The following LRMDA variants were observed in gnomAD, a reference collection of about 807,000 sequenced individuals.
LRMDA encodes leucine-rich melanocyte differentiation-associated protein.
LRMDA carries 18 observed loss-of-function variants against 29.8 expected under a neutral mutation model. The observed-to-expected ratio is 0.60, with a 90% CI of 0.42 to 0.90. The LOEUF is 0.90. LRMDA is among the 40% of genes least tolerant of loss of function. The probability of loss-of-function intolerance (pLI) is 0.00; values close to 1 mark genes in which losing one functional copy is unlikely to be tolerated. For missense variants in LRMDA, 273 were observed against 273.9 expected, an observed-to-expected ratio of 1.00 and a Z score of 0.02; for synonymous variants, 125 against 109.4, an observed-to-expected ratio of 1.14 and a Z score of -0.89.
chr10:75,694,293 G>A (rs1037518456), intron 2 of LRMDA, among the ~76,000 whole-genome samples: 1 of 152,150 alleles, frequency 6.6e-6, no homozygotes. Flanking sequence ...AGTTGGAGCC[G>A]AGGGGAAATA....
chr10:76,047,852 C>T (rs947641269), intron 4 of LRMDA, among the ~76,000 whole-genome samples: 1 of 152,228 alleles, frequency 6.6e-6, no homozygotes, highest in African/African-American at 2.4e-5. Context: ...CCATACCTCT[C>T]CACCATAGAG....
At chr10:76,194,646 G>C (rs940654896) in intron 5 of LRMDA, among the ~76,000 whole-genome samples, 1 of 152,200 alleles carries the variant, frequency 6.6e-6, no homozygotes, top group African/African-American at 2.4e-5. Context: ...GTTAGGCTTT[G>C]TTCTCTCCAG....
At chr10:75,688,977 A>G (rs1234740708) in intron 2 of LRMDA, among the ~76,000 whole-genome samples, 1 of 152,202 alleles carries the variant, frequency 6.6e-6, no homozygotes, top group African/African-American at 2.4e-5. Context: ...AGACTACAGT[A>G]TAATAACTTT....
intron 5 of LRMDA, among the ~76,000 whole-genome samples, chr10:76,139,819 T>C (rs938260832): frequency 1.3e-5 from 2 of 152,106 alleles, no homozygotes; most frequent in Admixed American, 6.6e-5. Flanking sequence ...CTGACAGTTA[T>C]TGAGATTAAA....
chr10:76,509,751 G>T (rs543055199), intron 6 of LRMDA, among the ~76,000 whole-genome samples: 20 of 152,188 alleles, frequency 1.3e-4, no homozygotes, highest in Non-Finnish European at 2.6e-4. Flanking sequence ...TGTTGGGATG[G>T]TTCCCTTTCA....
chr10:76,027,278 G>A (rs1372045383), intron 2 of LRMDA, among the ~76,000 whole-genome samples: 1 of 152,096 alleles, frequency 6.6e-6, no homozygotes, highest in African/African-American at 2.4e-5. Context: ...GTGGTCACTG[G>A]CGATTCATAC....
chr10:76,016,630 G>A (rs1167492711), intron 2 of LRMDA, among the ~76,000 whole-genome samples: 1 of 152,134 alleles, frequency 6.6e-6, no homozygotes, highest in Non-Finnish European at 1.5e-5. Flanking sequence ...TATGCCAGGC[G>A]TTATTCACTT....
In LRMDA at chr10:75,877,438, C is replaced by G. The variant is rs114936292; in HGVS notation, c.132-158570C>G. Reference sequence around the variant, plus strand: ...TACAGTTACCCTTTTAGTTAAGGCTCTGTCTCCAGGTTGTTTCTTAGATTG... The same window carrying G: ...TACAGTTACCCTTTTAGTTAAGGCTGTGTCTCCAGGTTGTTTCTTAGATTG... On this transcript the variant is annotated intron_variant, in intron 2 of 6. Transcript: ENST00000611255. Among the ~76,000 whole-genome samples the G allele has an allele frequency of 4.0e-3, 616 of 152,338 alleles. 4 individuals are homozygous for G. The highest frequency in any genetic ancestry group is 0.014 in the African/African-American group (597 of 41,576).
chr10:76,176,171 A>G (rs1291765419), intron 5 of LRMDA, among the ~76,000 whole-genome samples: 1 of 152,200 alleles, frequency 6.6e-6, no homozygotes, highest in Non-Finnish European at 1.5e-5. Context: ...TTTGTCTTCC[A>G]CAGGTGTATG....
At chr10:76,108,883 G>A (rs1403187057) in intron 5 of LRMDA, among the ~76,000 whole-genome samples, 3 of 152,162 alleles carry the variant, frequency 2.0e-5, no homozygotes, top group Non-Finnish European at 2.9e-5. Flanking sequence ...AGTGCACTGT[G>A]ACTTATGCAA....
intron 2 of LRMDA, among the ~76,000 whole-genome samples, chr10:75,583,037 A>T (rs1840613955): frequency 6.6e-6 from 1 of 152,202 alleles, no homozygotes; most frequent in Non-Finnish European, 1.5e-5. Flanking sequence ...CCTGGACTTC[A>T]TTGTCCATAT....
At chr10:75,694,713 A>G (rs953603719) in intron 2 of LRMDA, among the ~76,000 whole-genome samples, 9 of 152,168 alleles carry the variant, frequency 5.9e-5, no homozygotes, top group African/African-American at 2.2e-4. Flanking sequence ...GTGTAGTAAG[A>G]GGAGCAGTGT....
chr10:75,645,414 G>A (rs1164967148), intron 2 of LRMDA, among the ~76,000 whole-genome samples: 2 of 152,212 alleles, frequency 1.3e-5, no homozygotes, highest in Non-Finnish European at 2.9e-5. Flanking sequence ...TGTCAGGACA[G>A]AGATTTGAAC....
intron 1 of LRMDA, among the ~76,000 whole-genome samples, chr10:75,433,823 A>G (rs546825365): frequency 2.0e-5 from 3 of 152,296 alleles, no homozygotes; most frequent in African/African-American, 7.2e-5. Flanking sequence ...AAATAAAGGG[A>G]TGGTTTAAGT....
intron 6 of LRMDA, among the ~76,000 whole-genome samples, chr10:76,417,878 G>T (rs142217684): frequency 6.2e-4 from 95 of 152,110 alleles, no homozygotes; most frequent in African/African-American, 2.2e-3. Context: ...TAGTAAGGGG[G>T]TCAGTAATTA....
intron 2 of LRMDA, among the ~76,000 whole-genome samples, chr10:75,611,325 T>A (rs1414881188): frequency 1.3e-5 from 2 of 152,234 alleles, no homozygotes. Flanking sequence ...GGTGTGTAGC[T>A]GCCAGTGCTT....
At chr10:76,521,968 G>T (rs1290653111) in intron 6 of LRMDA, among the ~76,000 whole-genome samples, 3 of 152,092 alleles carry the variant, frequency 2.0e-5, no homozygotes, top group Non-Finnish European at 4.4e-5. Context: ...TTAAGTGATT[G>T]AAACCTTCAC....
At chr10:75,485,734 T>C (rs1442418015) in intron 2 of LRMDA, among the ~76,000 whole-genome samples, 43 of 152,274 alleles carry the variant, frequency 2.8e-4, no homozygotes, top group South Asian at 2.1e-4. Context: ...TGTGCCACCA[T>C]GCCTAGCTAA....
In LRMDA at chr10:76,530,024, C is replaced by T. The variant is rs894509681; in HGVS notation, c.602-27185C>T. ...TTCCAGTAAGATCAAGAGTGTCTAC[C>T]ACACACCTGACTTTTGAACTTTCCT... On this transcript the variant is annotated intron_variant, in intron 6 of 6. Coordinates refer to ENST00000611255, the MANE Select transcript of LRMDA (RefSeq NM_001305581.2). Among the ~76,000 whole-genome samples, 9 of 152,170 alleles carry T rather than the reference C, an allele frequency of 5.9e-5. No homozygotes were observed. The South Asian group carries it at 1.7e-3, about 28-fold the overall frequency.
Sources: allele counts gnomAD v4.1 joint callset (sites outside exome capture counted in the v4.1 genomes callset), GRCh38; gene constraint gnomAD v4.1.1; transcripts MANE v1.5; gene names NCBI Gene and HGNC (gene_info 2026-07-23, HGNC 2026-07-21).